KANSL2: variants seen among roughly 807,000 people sequenced by gnomAD.
KANSL2 encodes KAT8 regulatory NSL complex subunit 2.
Under a neutral mutation model 55.6 loss-of-function variants are expected in KANSL2, and 34 were observed. The ratio of observed to expected loss-of-function variants is 0.61; its 90% CI spans 0.46 to 0.81. The LOEUF (loss-of-function observed/expected upper bound fraction) is 0.81, where lower values mean the gene tolerates loss of function less well. KANSL2 is among the 40% of genes least tolerant of loss of function. KANSL2 has a pLI of 0.00. For synonymous variants in KANSL2, 209 were observed against 214.3 expected (o/e 0.98, Z 0.22); for missense variants, 502 against 609.9 (o/e 0.82, Z 1.86).
rs918846811 is a variant in KANSL2, at chr12:48,653,258, C to T, written c.*786G>A. 4.6e-5 allele frequency: 7 copies of T among 152,442 alleles called. No homozygotes were observed. The highest frequency in any genetic ancestry group is 8.8e-5 in the Non-Finnish European group (6 of 68,046). The allele number at this position is 152,442 out of a possible 1,614,324, so 9.4% of individuals were successfully genotyped here. ...AAGTCCTGCCCCTTTTCATTTACTT[C>T]TTCCTTCAAAGCAAAACCAAAATGA... On this transcript the variant is annotated 3_prime_UTR_variant, in exon 10 of 10. Transcript: ENST00000420613.
Position 48,654,138 on chromosome 12 carries a change from T to G in KANSL2, c.1385A>C (p.Gln462Pro). ...GGCTTTCTCAGAATTTCGAGATCCC[T>G]GGGATCTGCACCCATCTCCAGCCAT... ...MQMAGDGCRS[Q>P]GSRNSEKASA... is the part of the protein sequence containing the mutation. Residue 462 changes from glutamine (Q) to proline (P), a missense_variant, in exon 10 of 10, where the codon CAG becomes CCG. By Grantham distance (76) the Gln-to-Pro change is moderately conservative (BLOSUM62 -1). Coordinates refer to ENST00000420613, the MANE Select transcript of KANSL2 (RefSeq NM_017822.4). 6.2e-7 allele frequency: 1 copy of G among 1,613,112 alleles called. No individual in the cohort carries two copies. The highest frequency in any genetic ancestry group is 8.5e-7 in the Non-Finnish European group (1 of 1,179,444).
At chr12:48,662,348 GC>G (rs1939503429) in intron 7 of KANSL2, among the ~76,000 whole-genome samples, 2 of 152,298 alleles carry the variant, frequency 1.3e-5, no homozygotes, top group Admixed American at 1.3e-4. Flanking sequence ...CAGGTGATCA[GC>G]CCGCCTCAGC....
intron 1 of KANSL2, 175 bp downstream of exon 1, chr12:48,682,012 G>A (rs1034673600): frequency 5.7e-6 from 4 of 702,886 alleles, no homozygotes; most frequent in African/African-American, 1.7e-5. Context: ...AAGCCTATGC[G>A]AGCGCCATTT....
Position 48,653,905 on chromosome 12 carries a change from T to A in KANSL2, c.*139A>T. 1 of 900,002 alleles carries A rather than the reference T, an allele frequency of 1.1e-6. No individual in the cohort carries two copies. Among genetic ancestry groups the A allele is most frequent in the South Asian group, 2.4e-5 (1 of 41,752 alleles). The allele number at this position is 900,002 out of a possible 1,614,324, so 55.8% of individuals were successfully genotyped here. A position where few individuals can be genotyped will look rare whatever the true frequency, so the allele number is the denominator to read the frequency against. Reference sequence around the variant, plus strand: ...CGGTCCACGTCCTCAAAATTTGGCTTTACGTTTGACTATAATACTCAATCC... The same window carrying A: ...CGGTCCACGTCCTCAAAATTTGGCTATACGTTTGACTATAATACTCAATCC... On this transcript the variant is annotated 3_prime_UTR_variant, in exon 10 of 10. Transcript: ENST00000420613.
At chr12:48,681,988 G>T in intron 1 of KANSL2, 199 bp downstream of exon 1, 1 of 702,992 alleles carries the variant, frequency 1.4e-6, no homozygotes. Context: ...GCGCACGACT[G>T]GGCCTGGCCT....
intron 7 of KANSL2, among the ~76,000 whole-genome samples, chr12:48,662,021 C>G (rs1271049413): frequency 1.3e-5 from 2 of 152,210 alleles, no homozygotes; most frequent in South Asian, 2.1e-4. Flanking sequence ...CAGATTTGCA[C>G]TATGCGCTTA....
chr12:48,678,247 C>T, intron 4 of KANSL2, among the ~76,000 whole-genome samples: 1 of 152,104 alleles, frequency 6.6e-6, no homozygotes, highest in East Asian at 1.9e-4. Context: ...AAAAACTACA[C>T]CCAGACCTTG....
At chr12:48,662,704 G>A (rs1246680438) in intron 7 of KANSL2, 1 of 1,234,380 alleles carries the variant, frequency 8.1e-7, no homozygotes, top group Admixed American at 2.9e-5. Flanking sequence ...ACTATGGAGT[G>A]GAAAGGAAAG....
At chr12:48,672,377 GTA>G (rs998410049) in intron 4 of KANSL2, among the ~76,000 whole-genome samples, 102 of 127,432 alleles carry the variant, frequency 8.0e-4, no homozygotes, top group African/African-American at 2.8e-3. Context: ...GTATATATAC[GTA>G]TATATATATA....
At chr12:48,666,906 C>T (rs1209633137) in intron 7 of KANSL2, among the ~76,000 whole-genome samples, 1 of 151,530 alleles carries the variant, frequency 6.6e-6, no homozygotes, top group Non-Finnish European at 1.5e-5. Flanking sequence ...AAAAGCCGGG[C>T]ACAGTGGCTT....
At chr12:48,670,312 C>A (rs555315989) in intron 5 of KANSL2, among the ~76,000 whole-genome samples, 42 of 151,920 alleles carry the variant, frequency 2.8e-4, no homozygotes, top group Non-Finnish European at 4.6e-4. Context: ...AGAATGTACT[C>A]CACTCTATTT....
rs1939879781 is a variant in KANSL2, at chr12:48,679,327, T to G, written c.431-177A>C. On this transcript the variant is annotated intron_variant, in intron 3 of 9. Transcript: ENST00000420613. ...ACGCTTTAAGAAAATACAACCCAAG[T>G]AAGATTACTTACAACATAAATGAGT... 17 of 671,148 alleles carry G rather than the reference T, an allele frequency of 2.5e-5. No homozygotes were observed. The South Asian group carries it at 2.8e-4, about 11-fold the overall frequency. 41.6% of individuals were successfully genotyped at this position (671,148 alleles called of 1,614,324 possible). A position where few individuals can be genotyped will look rare whatever the true frequency, so the allele number is the denominator to read the frequency against.
chr12:48,663,913 C>CTTTTTTTTT (rs34879709), intron 7 of KANSL2, among the ~76,000 whole-genome samples: 2 of 112,550 alleles, frequency 1.8e-5, no homozygotes, highest in East Asian at 3.2e-4. Flanking sequence ...AACTATTAGC[C>CTTTTTTTTT]TTTTTTTTTT....
intron 6 of KANSL2, 55 bp from the exon 7 acceptor site, chr12:48,667,844 A>T: frequency 7.9e-7 from 1 of 1,262,028 alleles, no homozygotes; most frequent in Non-Finnish European, 1.2e-6. Context: ...ACAAACAATT[A>T]CGATGAAAAT....
At position 48,655,127 on chromosome 12, in the gene KANSL2, A is replaced by G. The variant is rs1939352450; in HGVS notation, c.1228-67T>C. On this transcript the variant is annotated intron_variant, in intron 8 of 9. Coordinates refer to ENST00000420613, the MANE Select transcript of KANSL2 (RefSeq NM_017822.4). ...CAGTAATAAAGTTGGCATGTTTTTC[A>G]GCAAACTTTAAAGCAATACTCTGCT... is the stretch of plus-strand genomic sequence containing the variant. 4.0e-6 allele frequency: 6 copies of G among 1,497,650 alleles called. No individual in the cohort carries two copies. The Admixed American group carries it at 1.2e-4, about 31-fold the overall frequency. 92.8% of individuals were successfully genotyped at this position (1,497,650 alleles called of 1,614,324 possible).
At chr12:48,667,052 G>T (rs1282081048) in intron 7 of KANSL2, among the ~76,000 whole-genome samples, 1 of 151,910 alleles carries the variant, frequency 6.6e-6, no homozygotes, top group East Asian at 1.9e-4. Flanking sequence ...ATTGTGGTAC[G>T]TGCCTATAAT....
Position 48,679,773 on chromosome 12 carries a change from CTT to C in KANSL2, c.310_311del (p.Lys104GlufsTer9). ...RNALALHAQM[K>X]KTNPGPVGET... Reference sequence around the variant, plus strand: ...CACCCACAGGCCCTGGGTTGGTCTTCTTCATTTGAGCATGAAGTGCCAGGGCA... The same window carrying C: ...CACCCACAGGCCCTGGGTTGGTCTTCCATTTGAGCATGAAGTGCCAGGGCA... On this transcript the variant is annotated frameshift_variant, in exon 3 of 10. Coordinates refer to ENST00000420613, the MANE Select transcript of KANSL2 (RefSeq NM_017822.4). LOFTEE classifies it high-confidence loss of function. 2 of 1,609,484 alleles carry C rather than the reference CTT, an allele frequency of 1.2e-6. No individual in the cohort carries two copies. The highest frequency in any genetic ancestry group is 2.2e-5 in the South Asian group (2 of 90,032).
rs553493301 is a variant in KANSL2, at chr12:48,668,710, T to C, written c.876+396A>G. Among the ~76,000 whole-genome samples, 14 of 152,124 alleles carry C rather than the reference T, an allele frequency of 9.2e-5. No individual in the cohort carries two copies. In the East Asian group the frequency reaches 9.7e-4, roughly 11 times the overall value. ...TTGAAACTCTGTCTCAAAAAAAGACTGGACATAGTGTTTTGACAATTACTC... is the reference window on the plus strand; with the variant it reads ...TTGAAACTCTGTCTCAAAAAAAGACCGGACATAGTGTTTTGACAATTACTC... On this transcript the variant is annotated intron_variant, in intron 6 of 9. Transcript: ENST00000420613.
intron 4 of KANSL2, among the ~76,000 whole-genome samples, chr12:48,675,108 A>C (rs1939796551): frequency 6.6e-6 from 1 of 152,030 alleles, no homozygotes; most frequent in African/African-American, 2.4e-5. Flanking sequence ...AAAATATGTA[A>C]CAGTTGGCTG....
Sources: allele counts gnomAD v4.1 joint callset (sites outside exome capture counted in the v4.1 genomes callset), GRCh38; gene constraint gnomAD v4.1.1; transcripts MANE v1.5; gene names NCBI Gene and HGNC (gene_info 2026-07-23, HGNC 2026-07-21).